The following NGEF variants were observed in gnomAD, a reference collection of about 807,000 sequenced individuals.
NGEF encodes ephexin-1.
Under a neutral mutation model 80.9 loss-of-function variants are expected in NGEF, and 31 were observed. The observed-to-expected ratio is 0.38, with a 90% CI of 0.29 to 0.52. NGEF has a LOEUF of 0.52. Among genes scored for constraint, NGEF ranks in the 20% least tolerant of loss-of-function variants. The pLI is 0.84. For synonymous variants in NGEF, 371 were observed against 370.2 expected, an observed-to-expected ratio of 1.00 and a Z score of -0.03; for missense variants, 709 against 926.2, an observed-to-expected ratio of 0.77 and a Z score of 3.04.
At chr2:232,901,040 T>A (rs975381836) in intron 5 of NGEF, among the ~76,000 whole-genome samples, 6 of 151,750 alleles carry the variant, frequency 4.0e-5, no homozygotes, top group Non-Finnish European at 5.9e-5. Flanking sequence ...CAGCAAGAGG[T>A]CACAAAAGAG....
intron 3 of NGEF, chr2:232,928,240 G>T: frequency 2.2e-6 from 2 of 909,078 alleles, no homozygotes; most frequent in Non-Finnish European, 1.3e-6. Context: ...GGGCGAGGCC[G>T]GGCGGCGGCG....
intron 1 of NGEF, among the ~76,000 whole-genome samples, chr2:233,002,364 C>T (rs144181211): frequency 1.3e-5 from 2 of 152,186 alleles, no homozygotes; most frequent in South Asian, 2.1e-4. Context: ...ATAAGACAGG[C>T]AGTACATGGA....
In NGEF at chr2:232,995,433, A is replaced by ATACTGACAGTATACATACTG. The variant is rs1559240421; in HGVS notation, c.-75+17634_-75+17635insCAGTATGTATACTGTCAGTA. Among the ~76,000 whole-genome samples the ATACTGACAGTATACATACTG allele has an allele frequency of 1.3e-3, 16 of 12,376 alleles. 8 individuals carry two copies. Among genetic ancestry groups the ATACTGACAGTATACATACTG allele is most frequent in the African/African-American group, 7.6e-3 (14 of 1,846 alleles). The allele number at this position is 12,376 out of a possible 152,430, so 8.1% of individuals were successfully genotyped here. A position where few individuals can be genotyped will look rare whatever the true frequency, so the allele number is the denominator to read the frequency against. ...ACACAGTATGTATACTGTATACTGT[A>ATACTGACAGTATACATACTG]TATATATACACAGTATGTATACTGA... On this transcript the variant is annotated intron_variant, in intron 1 of 14. Transcript: ENST00000264051.
Position 232,880,731 on chromosome 2 carries a change from C to T in NGEF, c.1942+415G>A, listed in dbSNP as rs899963512. ...CGGCTTCTTGGCCCACATGGGGCAC[C>T]GAGCCTGGCAGTCACAGGCTTTACC... On this transcript the variant is annotated intron_variant, in intron 14 of 14. Transcript: ENST00000264051. Among the ~76,000 whole-genome samples, 32 of 135,060 alleles carry T rather than the reference C, an allele frequency of 2.4e-4. 1 individual carries two copies. The highest frequency in any genetic ancestry group is 2.3e-4 in the Non-Finnish European group (14 of 61,818). The allele number at this position is 135,060 out of a possible 152,430, so 88.6% of individuals were successfully genotyped here.
chr2:232,899,532 A>G (rs1444206879), intron 5 of NGEF, among the ~76,000 whole-genome samples: 1 of 151,762 alleles, frequency 6.6e-6, no homozygotes, highest in African/African-American at 2.4e-5. Context: ...TCTCACAGTC[A>G]CTCATATACA....
chr2:232,901,498 G>A lies in NGEF; in HGVS notation c.829-6582C>T, dbSNP rs1248968562. 9 of 938,070 alleles carry A rather than the reference G, an allele frequency of 9.6e-6. No homozygotes were observed. The Admixed American group carries it at 3.7e-4, about 39-fold the overall frequency. 58.1% of individuals were successfully genotyped at this position (938,070 alleles called of 1,614,324 possible). A position where few individuals can be genotyped will look rare whatever the true frequency, so the allele number is the denominator to read the frequency against. ...TGCTGTCTCTGATGCTGTGACCTTC[G>A]ATGCGTTGTTGCAGCTGCGTCACCA... On this transcript the variant is annotated intron_variant, in intron 5 of 14. Coordinates refer to ENST00000264051, the MANE Select transcript of NGEF (RefSeq NM_019850.3).
intron 1 of NGEF, among the ~76,000 whole-genome samples, chr2:232,976,354 A>C (rs1266393636): frequency 1.3e-5 from 2 of 152,018 alleles, no homozygotes; most frequent in Admixed American, 6.6e-5. Flanking sequence ...TTCCCACCGC[A>C]CCACTCCTCT....
At chr2:232,952,156 T>C (rs1421827409) in intron 3 of NGEF, among the ~76,000 whole-genome samples, 2 of 152,240 alleles carry the variant, frequency 1.3e-5, no homozygotes, top group African/African-American at 2.4e-5. Context: ...GTACTCGCCC[T>C]GCATGGTGAC....
In NGEF at chr2:232,894,859, C is replaced by T. The variant is rs1692008198; in HGVS notation, c.886G>A (p.Val296Met). The T allele has an allele frequency of 5.0e-6, 8 of 1,610,714 alleles. No homozygotes were observed. Among genetic ancestry groups the T allele is most frequent in the Middle Eastern group, 1.6e-4 (1 of 6,074 alleles). Residue 296 changes from valine to methionine, a missense_variant, in exon 6 of 15, where the codon GTG becomes ATG. Transcript: ENST00000264051. ...CGCTCGTTCTCCATGAAGTGGGACA[C>T]GAGCAGGTTCAGACTCTTGTAGTAG... Reference protein sequence around the residue: ...ASYYKSLNLLVSHFMENERIR... With the variant: ...ASYYKSLNLLMSHFMENERIR...
intron 3 of NGEF, among the ~76,000 whole-genome samples, chr2:232,967,045 C>T (rs555595077): frequency 6.6e-6 from 1 of 152,256 alleles, no homozygotes; most frequent in East Asian, 1.9e-4. Context: ...TAAATGTAAT[C>T]CCCAATGCCT....
At chr2:232,966,180 G>A (rs1016585474) in intron 3 of NGEF, among the ~76,000 whole-genome samples, 1 of 152,150 alleles carries the variant, frequency 6.6e-6, no homozygotes, top group Non-Finnish European at 1.5e-5. Context: ...CCACCCCCCA[G>A]CTGCTGTTTG....
At chr2:232,977,171 G>A (rs1382596185) in intron 1 of NGEF, among the ~76,000 whole-genome samples, 1 of 152,158 alleles carries the variant, frequency 6.6e-6, no homozygotes, top group East Asian at 1.9e-4. Flanking sequence ...CAGAGAGAGA[G>A]AGAGGCTTCC....
At position 232,881,214 on chromosome 2, in the gene NGEF, G is replaced by A; in HGVS notation, c.1874C>T (p.Ala625Val). The change falls in exon 14 of 15, where the codon GCT (alanine) becomes GTT (valine). Residue 625 changes from alanine to valine, a missense_variant. Transcript: ENST00000264051. ...PQVQCVHPYV[A>V]QQPDELTLEL... Reference sequence around the variant, plus strand: ...CAGCGTCAGCTCGTCTGGCTGCTGAGCCACGTATGGGTGCACGCACTGGAC... The same window carrying A: ...CAGCGTCAGCTCGTCTGGCTGCTGAACCACGTATGGGTGCACGCACTGGAC... 6.2e-7 allele frequency: 1 copy of A among 1,610,458 alleles called. No homozygotes were observed. The highest frequency in any genetic ancestry group is 8.5e-7 in the Non-Finnish European group (1 of 1,179,986).
At chr2:232,893,142 A>G in intron 6 of NGEF, 92 bp from the exon 7 acceptor site, 1 of 1,343,992 alleles carries the variant, frequency 7.4e-7, no homozygotes, top group Non-Finnish European at 1.0e-6. Context: ...TGACTTGGAC[A>G]TTGGACATAG....
chr2:232,904,057 C>A (rs1442778681), intron 5 of NGEF, among the ~76,000 whole-genome samples: 8 of 152,118 alleles, frequency 5.3e-5, no homozygotes, highest in Non-Finnish European at 5.9e-5. Context: ...CAGCATCTAC[C>A]GAAAGAAAAG....
At chr2:232,993,956 G>A (rs909080127) in intron 1 of NGEF, among the ~76,000 whole-genome samples, 1 of 152,148 alleles carries the variant, frequency 6.6e-6, no homozygotes, top group South Asian at 2.1e-4. Flanking sequence ...ATGGGGATGG[G>A]ATTTCTTTTG....
chr2:232,885,731 G>A (rs1464847176), intron 9 of NGEF, among the ~76,000 whole-genome samples: 1 of 152,138 alleles, frequency 6.6e-6, no homozygotes, highest in Non-Finnish European at 1.5e-5. Context: ...AGGCACCAAG[G>A]GACCTAAAAA....
chr2:232,987,307 C>T (rs567540695), intron 1 of NGEF, among the ~76,000 whole-genome samples: 21 of 152,194 alleles, frequency 1.4e-4, no homozygotes, highest in African/African-American at 2.9e-4. Context: ...CATTAGACAC[C>T]GTGCCTGGCC....
chr2:232,938,404 A>C (rs2106294519), intron 3 of NGEF, among the ~76,000 whole-genome samples: 1 of 152,282 alleles, frequency 6.6e-6, no homozygotes, highest in East Asian at 1.9e-4. Flanking sequence ...CTCGTGGATA[A>C]GATGCTGCGA....
Sources: gnomAD v4.1 joint callset for allele counts (sites outside exome capture counted in the v4.1 genomes callset) on GRCh38, gnomAD v4.1.1 for gene constraint, MANE v1.5 for transcripts, NCBI Gene and HGNC (gene_info 2026-07-23, HGNC 2026-07-21) for gene names.